The following MIB1 variants were observed in gnomAD, a reference collection of about 807,000 sequenced individuals.
The protein encoded by MIB1 is MIB E3 ubiquitin protein ligase 1.
A neutral mutation model predicts 124.5 loss-of-function variants in MIB1; 278 were observed. That is an observed-to-expected ratio of 2.23 (90% CI 2.02 to 2.47). MIB1 has a LOEUF of 2.47. Ranked by LOEUF, MIB1 falls within the 30% of genes most tolerant of loss-of-function variation. MIB1 has a pLI of 0.00. For synonymous variants in MIB1, 446 were observed against 429.4 expected, an observed-to-expected ratio of 1.04 and a Z score of -0.48; for missense variants, 957 against 1,254.4, an observed-to-expected ratio of 0.76 and a Z score of 3.58.
intron 1 of MIB1, among the ~76,000 whole-genome samples, chr18:21,746,416 A>G (rs545137943): frequency 6.6e-6 from 1 of 152,174 alleles, no homozygotes; most frequent in Non-Finnish European, 1.5e-5. Context: ...AGGAGCATTT[A>G]GTATCTGTTT....
At chr18:21,726,239 G>A (rs1327842564) in intron 1 of MIB1, among the ~76,000 whole-genome samples, 11 of 152,046 alleles carry the variant, frequency 7.2e-5, no homozygotes, top group African/African-American at 2.7e-4. Context: ...ACAATACCCT[G>A]TCCCTTTAGA....
chr18:21,797,495 A>G (rs1448791965), intron 7 of MIB1, among the ~76,000 whole-genome samples: 2 of 152,052 alleles, frequency 1.3e-5, no homozygotes, highest in East Asian at 3.9e-4. Flanking sequence ...TTCAAAAAAA[A>G]GGTGATAGTT....
intron 4 of MIB1, 60 bp from the exon 5 acceptor site, chr18:21,778,043 C>G: frequency 2.6e-6 from 3 of 1,150,890 alleles, no homozygotes; most frequent in Non-Finnish European, 3.9e-6. Flanking sequence ...TTGCCTGTTT[C>G]AGATACTGAG....
At chr18:21,791,142 A>G (rs1056286369) in intron 6 of MIB1, among the ~76,000 whole-genome samples, 1 of 151,734 alleles carries the variant, frequency 6.6e-6, no homozygotes, top group Non-Finnish European at 1.5e-5. Flanking sequence ...AGATCATGCC[A>G]CTGCACTCCA....
At chr18:21,763,258 A>G (rs890652058) in intron 1 of MIB1, among the ~76,000 whole-genome samples, 1 of 152,166 alleles carries the variant, frequency 6.6e-6, no homozygotes, top group Non-Finnish European at 1.5e-5. Context: ...TAAATCACAT[A>G]CGCTTGTTTT....
At position 21,749,086 on chromosome 18, in the gene MIB1, G is replaced by T. The variant is rs80148417; in HGVS notation, c.229+7274G>T. Among the ~76,000 whole-genome samples, 25 of 151,988 alleles carry T rather than the reference G, an allele frequency of 1.6e-4. No homozygotes were observed. The East Asian group carries it at 4.8e-3, about 29-fold the overall frequency. On this transcript the variant is annotated intron_variant, in intron 1 of 20. Transcript: ENST00000261537. ...TTTTTTGCACAGCTAAGGTTTTACTGTATACATAGTTTGTTTCATTCTTTT... is the reference window on the plus strand; with the variant it reads ...TTTTTTGCACAGCTAAGGTTTTACTTTATACATAGTTTGTTTCATTCTTTT...
intron 4 of MIB1, among the ~76,000 whole-genome samples, chr18:21,776,676 C>T (rs930771744): frequency 2.6e-5 from 4 of 152,052 alleles, no homozygotes; most frequent in East Asian, 1.9e-4. Context: ...CAGGTTATGG[C>T]GAAGTAAGGA....
At chr18:21,846,809 AG>A in intron 15 of MIB1, 134 bp from the exon 16 acceptor site, 1 of 763,504 alleles carries the variant, frequency 1.3e-6, no homozygotes, top group Non-Finnish European at 2.1e-6. Context: ...TGAGAAAACC[AG>A]GGGTAGAGTG....
intron 2 of MIB1, among the ~76,000 whole-genome samples, chr18:21,766,533 C>T (rs912920887): frequency 1.3e-5 from 2 of 152,100 alleles, no homozygotes; most frequent in Non-Finnish European, 2.9e-5. Flanking sequence ...GTAATGGGAT[C>T]TTCTCATGTA....
intron 1 of MIB1, among the ~76,000 whole-genome samples, chr18:21,757,948 C>CA: frequency 1.3e-5 from 2 of 152,136 alleles, no homozygotes; most frequent in Non-Finnish European, 2.9e-5. Flanking sequence ...AGAAAAACCA[C>CA]AAAAAACCGT....
At chr18:21,768,399 G>C (rs984452610) in intron 2 of MIB1, among the ~76,000 whole-genome samples, 1 of 152,090 alleles carries the variant, frequency 6.6e-6, no homozygotes, top group Non-Finnish European at 1.5e-5. Context: ...TATAATAAAA[G>C]CTTAGTAAAA....
chr18:21,822,658 G>A (rs1012773075), intron 12 of MIB1, among the ~76,000 whole-genome samples: 1 of 150,796 alleles, frequency 6.6e-6, no homozygotes, highest in African/African-American at 2.4e-5. Context: ...AAATTGGGAT[G>A]TTTTGAATTC....
At chr18:21,779,828 G>C (rs1419710961) in intron 6 of MIB1, 143 bp downstream of exon 6, 2 of 657,626 alleles carry the variant, frequency 3.0e-6, no homozygotes, top group Non-Finnish European at 5.3e-6. Flanking sequence ...AATATATATT[G>C]GTAAGGTGGA....
At chr18:21,827,912 A>G (rs1029439742) in intron 12 of MIB1, 1 of 152,020 alleles carries the variant, frequency 6.6e-6, no homozygotes. Context: ...TAAATATTTC[A>G]GTTGAAATAA....
At chr18:21,798,298 C>A in intron 8 of MIB1, 70 bp downstream of exon 8, 1 of 1,448,228 alleles carries the variant, frequency 6.9e-7, no homozygotes, top group Non-Finnish European at 9.6e-7. Flanking sequence ...TTCCCCAGTT[C>A]TCATATACAG....
At chr18:21,753,279 C>A (rs2040995350) in intron 1 of MIB1, among the ~76,000 whole-genome samples, 3 of 151,994 alleles carry the variant, frequency 2.0e-5, no homozygotes, top group Non-Finnish European at 4.4e-5. Context: ...ACCTTGGCTT[C>A]ACAGGTTCAA....
intron 12 of MIB1, among the ~76,000 whole-genome samples, chr18:21,825,228 T>C (rs1450262078): frequency 6.6e-6 from 1 of 152,132 alleles, no homozygotes; most frequent in Non-Finnish European, 1.5e-5. Context: ...AGGCCAATAC[T>C]ATGGAAGATA....
Position 21,799,935 on chromosome 18 carries a change from T to TTAA in MIB1, c.1332_1333insTAA (p.Val444_Ala445insTer). On this transcript the variant is annotated stop_gained and inframe_insertion, in exon 9 of 21. Transcript: ENST00000261537. LOFTEE classifies it high-confidence loss of function. Reference sequence around the variant, plus strand: ...TTAAGGCTGCTGCCAATGGAGATGTTGCTAAAGTGGAAGATTTGCTTAAAA... The same window carrying TTAA: ...TTAAGGCTGCTGCCAATGGAGATGTTTAAGCTAAAGTGGAAGATTTGCTTAAAA... 1 of 1,612,304 alleles carries TTAA rather than the reference T, an allele frequency of 6.2e-7. No individual in the cohort carries two copies. Among genetic ancestry groups the TTAA allele is most frequent in the Non-Finnish European group, 8.5e-7 (1 of 1,178,794 alleles).
At chr18:21,853,311 T>G (rs1175853008) in intron 18 of MIB1, 93 bp downstream of exon 18, 1 of 915,078 alleles carries the variant, frequency 1.1e-6, no homozygotes, top group African/African-American at 1.7e-5. Flanking sequence ...CTTTTGATTT[T>G]GGATAACTCA....
Sources: gnomAD v4.1 joint callset for allele counts (sites outside exome capture counted in the v4.1 genomes callset) on GRCh38, gnomAD v4.1.1 for gene constraint, MANE v1.5 for transcripts, NCBI Gene and HGNC (gene_info 2026-07-23, HGNC 2026-07-21) for gene names.